The following CAMK1G variants were observed in gnomAD, a reference collection of about 807,000 sequenced individuals.
CAMK1G encodes the protein calcium/calmodulin-dependent protein kinase type 1G.
Under a neutral mutation model 54.8 loss-of-function variants are expected in CAMK1G, and 27 were observed. The observed-to-expected ratio is 0.49, with a 90% CI of 0.36 to 0.68. The LOEUF (loss-of-function observed/expected upper bound fraction) is 0.68. Ranked by LOEUF, CAMK1G falls within the 30% of genes least tolerant of loss-of-function variation. The probability of loss-of-function intolerance (pLI) is 0.00; values close to 1 mark genes in which losing one functional copy is unlikely to be tolerated. For synonymous variants in CAMK1G, 238 were observed against 224.9 expected, an observed-to-expected ratio of 1.06 and a Z score of -0.52; for missense variants, 512 against 591.0, an observed-to-expected ratio of 0.87 and a Z score of 1.39.
At chr1:209,603,100 C>G in intron 3 of CAMK1G, 114 bp from the exon 4 acceptor site, 1 of 869,734 alleles carries the variant, frequency 1.1e-6, no homozygotes, top group Admixed American at 2.2e-5. Flanking sequence ...GAGACCTAGT[C>G]TTCCTAAACA....
chr1:209,606,209 C>A, intron 5 of CAMK1G, 111 bp from the exon 6 acceptor site: 1 of 1,409,728 alleles, frequency 7.1e-7, no homozygotes, highest in Non-Finnish European at 9.8e-7. Context: ...ATGAGCTGGC[C>A]TTGAAGTCAG....
At position 209,603,229 on chromosome 1, in the gene CAMK1G, C is replaced by T. The variant is rs1411006891; in HGVS notation, c.237C>T (p.Asn79=). 3.1e-6 allele frequency: 5 copies of T among 1,614,018 alleles called. No homozygotes were observed. In the African/African-American group the frequency reaches 4.0e-5, roughly 13 times the overall value. The change falls in exon 4 of 13, where the codon AAC becomes AAT. Residue 79 remains asparagine (N), a synonymous_variant. Transcript: ENST00000361322. The stretch of plus-strand genomic sequence containing the variant: ...TTTTTCCCAGGATCAAGCATGAAAA[C>T]ATTGTGACCCTGGAGGACATCTATG... The part of the protein sequence containing the change: ...IAVLKKIKHE[N]IVTLEDIYES...
rs749707922 is a variant in CAMK1G at position 209,612,174 on chromosome 1, A to G, written c.1298A>G (p.Tyr433Cys). The G allele has an allele frequency of 1.9e-6, 3 of 1,614,116 alleles. No individual in the cohort carries two copies. Among genetic ancestry groups the G allele is most frequent in the Admixed American group, 3.3e-5 (2 of 60,032 alleles). Residue 433 changes from tyrosine to cysteine, a missense_variant, in exon 11 of 13, where the codon TAC becomes TGC. By Grantham distance (194) the Tyr-to-Cys change is radical. This residue lies in a region of CAMK1G where 315 missense variants were observed against 330.5 expected (regional missense o/e 0.95). Transcript: ENST00000361322. ...LNIGSKGKSSYCSEPTLLKKA... is the reference protein window; with the variant it reads ...LNIGSKGKSSCCSEPTLLKKA... ...ATTGGGAGCAAAGGAAAGTCCTCCT[A>G]CTGCTCTGAGCCCACACTCCTCAAA...
At chr1:209,605,414 ACAG>A in intron 4 of CAMK1G, 119 bp from the exon 5 acceptor site, 1 of 1,191,802 alleles carries the variant, frequency 8.4e-7, no homozygotes. Context: ...CCCTTCAATC[ACAG>A]TTCATGGGGG....
chr1:209,610,222 T>C (rs1665749262), intron 9 of CAMK1G, among the ~76,000 whole-genome samples: 1 of 152,186 alleles, frequency 6.6e-6, no homozygotes, highest in South Asian at 2.1e-4. Context: ...GTACTAGTTA[T>C]TCAAGAAGTG....
chr1:209,598,299 G>C (rs1016105984), intron 2 of CAMK1G, among the ~76,000 whole-genome samples: 2 of 152,214 alleles, frequency 1.3e-5, no homozygotes, highest in Admixed American at 6.5e-5. Context: ...ATGAGAGGTT[G>C]CTCAGCACCC....
intron 2 of CAMK1G, among the ~76,000 whole-genome samples, chr1:209,598,559 A>G (rs1002304773): frequency 3.3e-5 from 5 of 152,144 alleles, no homozygotes; most frequent in Non-Finnish European, 5.9e-5. Context: ...TTCCCAAACT[A>G]TAGAACCAGG....
chr1:209,591,429 CA>C (rs539380105), intron 1 of CAMK1G, among the ~76,000 whole-genome samples: 193 of 152,186 alleles, frequency 1.3e-3, no homozygotes, highest in African/African-American at 4.0e-3. Flanking sequence ...AAATGTACAC[CA>C]AAAAAATGCA....
chr1:209,591,908 G>A (rs1236893866), intron 1 of CAMK1G, among the ~76,000 whole-genome samples: 1 of 152,156 alleles, frequency 6.6e-6, no homozygotes, highest in Non-Finnish European at 1.5e-5. Flanking sequence ...ACCCCAGCCA[G>A]CTGGCCGTGA....
intron 1 of CAMK1G, among the ~76,000 whole-genome samples, chr1:209,591,641 A>G (rs1665253332): frequency 6.6e-6 from 1 of 152,132 alleles, no homozygotes; most frequent in Admixed American, 6.5e-5. Context: ...GCTCTACTTC[A>G]AAGTGGCATT....
At chr1:209,606,489 A>C in intron 6 of CAMK1G, 46 bp downstream of exon 6, 1 of 1,598,532 alleles carries the variant, frequency 6.3e-7, no homozygotes, top group Non-Finnish European at 8.6e-7. Flanking sequence ...GCTACATTCA[A>C]CCACATGCCT....
intron 2 of CAMK1G, among the ~76,000 whole-genome samples, chr1:209,596,344 T>C (rs1208963700): frequency 6.6e-6 from 1 of 152,002 alleles, no homozygotes; most frequent in Non-Finnish European, 1.5e-5. Flanking sequence ...TTGCTAAGTG[T>C]CCCAAAAATC....
Position 209,595,091 on chromosome 1 carries a change from G to A in CAMK1G, c.92+16G>A, listed in dbSNP as rs111229323. ...TGCTGGGATCGTAAGTCCTGGGGCT[G>A]TGAGGTCGGGTGGGCTGGGCTGCCT... is the stretch of plus-strand genomic sequence containing the variant. On this transcript the variant is annotated intron_variant, in intron 2 of 12. Coordinates refer to ENST00000361322, the MANE Select transcript of CAMK1G (RefSeq NM_020439.3). 1.1e-5 allele frequency: 18 copies of A among 1,596,872 alleles called. No homozygotes were observed. In the African/African-American group the frequency reaches 1.7e-4, roughly 15 times the overall value.
chr1:209,606,487 C>T, intron 6 of CAMK1G, 44 bp downstream of exon 6: 1 of 1,599,694 alleles, frequency 6.3e-7, no homozygotes, highest in Non-Finnish European at 8.5e-7. Context: ...TGGCTACATT[C>T]AACCACATGC....
In CAMK1G at chr1:209,609,078, A is replaced by G; in HGVS notation, c.734A>G (p.Asp245Gly). The G allele has an allele frequency of 6.2e-7, 1 of 1,614,146 alleles. No homozygotes were observed. Among genetic ancestry groups the G allele is most frequent in the Non-Finnish European group, 8.5e-7 (1 of 1,180,010 alleles). The change falls in exon 8 of 13, where the codon GAC becomes GGC. Residue 245 changes from aspartate to glycine, a missense_variant. Transcript: ENST00000361322. Reference protein sequence around the residue: ...YYEFESPFWDDISESAKDFIC... With the variant: ...YYEFESPFWDGISESAKDFIC... ...GAGTTTGAGTCTCCATTCTGGGATG[A>G]CATTTCTGAGTCAGGTAAGGCCAGT...
chr1:209,600,560 T>C (rs1571779753), intron 3 of CAMK1G, among the ~76,000 whole-genome samples: 1 of 152,322 alleles, frequency 6.6e-6, no homozygotes, highest in East Asian at 1.9e-4. Flanking sequence ...CACAGACCCT[T>C]GTGAAACCCT....
At chr1:209,604,987 T>A (rs1665612552) in intron 4 of CAMK1G, among the ~76,000 whole-genome samples, 1 of 152,156 alleles carries the variant, frequency 6.6e-6, no homozygotes, top group Admixed American at 6.5e-5. Flanking sequence ...GACTTGATCT[T>A]TAAGCTCCCC....
chr1:209,609,964 C>T, intron 9 of CAMK1G, 35 bp downstream of exon 9: 1 of 1,524,278 alleles, frequency 6.6e-7, no homozygotes, highest in Non-Finnish European at 9.1e-7. Flanking sequence ...TAGACCCCAG[C>T]CCTGTAGTTC....
At chr1:209,606,280 A>G (rs1571784025) in intron 5 of CAMK1G, 40 bp from the exon 6 acceptor site, 1 of 1,602,794 alleles carries the variant, frequency 6.2e-7, no homozygotes, top group African/African-American at 1.3e-5. Context: ...TACTTGCTTC[A>G]GGTGGTTATA....
Sources: allele counts gnomAD v4.1 joint callset (sites outside exome capture counted in the v4.1 genomes callset), GRCh38; gene constraint gnomAD v4.1.1; regional missense constraint gnomAD v4.1.1; transcripts MANE v1.5; gene names NCBI Gene and HGNC (gene_info 2026-07-23, HGNC 2026-07-21).